PTPDC1: variants seen among roughly 807,000 people sequenced by gnomAD.
The protein encoded by PTPDC1 is protein tyrosine phosphatase domain containing 1.
In PTPDC1, 53 loss-of-function variants were observed where a neutral mutation model predicts 75.3. The ratio of observed to expected loss-of-function variants is 0.70; its 90% confidence interval spans 0.56 to 0.88. The LOEUF (loss-of-function observed/expected upper bound fraction) is 0.88, where lower values mean the gene tolerates loss of function less well. PTPDC1 is among the 40% of genes least tolerant of loss of function. The pLI is 0.00. For synonymous variants in PTPDC1, 349 were observed against 366.2 expected, an observed-to-expected ratio of 0.95 and a Z score of 0.54; for missense variants, 925 against 998.6, an observed-to-expected ratio of 0.93 and a Z score of 0.99.
At chr9:94,093,201 A>C (rs961059275) in intron 4 of PTPDC1, among the ~76,000 whole-genome samples, 3 of 152,002 alleles carry the variant, frequency 2.0e-5, no homozygotes, top group East Asian at 3.9e-4. Flanking sequence ...ACATTTTGGC[A>C]TGATTTTGAA....
In PTPDC1 at chr9:94,097,897, G is replaced by T; in HGVS notation, c.1331G>T (p.Arg444Leu). Residue 444 changes from arginine to leucine, a missense_variant, in exon 6 of 9, where the codon CGG becomes CTG. Physicochemically the swap from Arg to Leu is moderately radical, Grantham distance 102 (BLOSUM62 -2). Coordinates refer to ENST00000620992, the MANE Select transcript of PTPDC1 (RefSeq NM_001253829.2). ...CAACCCCTGACTCATCTGAAAAGGC[G>T]GCTCAGCTACAGTGACTCAGATTTA... Reference protein sequence around the residue: ...CLQPLTHLKRRLSYSDSDLKR... With the variant: ...CLQPLTHLKRLLSYSDSDLKR... 6.2e-7 allele frequency: 1 copy of T among 1,614,130 alleles called. No homozygotes were observed. The highest frequency in any genetic ancestry group is 1.1e-5 in the South Asian group (1 of 91,082).
At chr9:94,079,948 G>C (rs968741146), upstream of PTPDC1, among the ~76,000 whole-genome samples, 5 of 152,214 alleles carry the variant, frequency 3.3e-5, no homozygotes, top group African/African-American at 1.2e-4. Context: ...AAATCCATAT[G>C]GGAGAGCAGC....
At chr9:94,095,682 T>C (rs1385387360) in intron 5 of PTPDC1, among the ~76,000 whole-genome samples, 1 of 152,190 alleles carries the variant, frequency 6.6e-6, no homozygotes, top group Non-Finnish European at 1.5e-5. Context: ...CCAACACAAA[T>C]GCATGATAAA....
At chr9:94,064,836 A>G (rs1204995657) in intron 2 of PTPDC1, 1 of 1,592,464 alleles carries the variant, frequency 6.3e-7, no homozygotes, top group South Asian at 1.1e-5. Flanking sequence ...TGTCTCTTTA[A>G]TACACTTTTT....
intron 1 of PTPDC1, among the ~76,000 whole-genome samples, chr9:94,063,087 C>CA (rs1330481021): frequency 1.3e-5 from 2 of 152,060 alleles, no homozygotes; most frequent in Admixed American, 1.3e-4. Flanking sequence ...GAAAGCTTCA[C>CA]AAAAAAAGTG....
intron 1 of PTPDC1, among the ~76,000 whole-genome samples, chr9:94,031,568 C>T (rs1829727764): frequency 6.6e-6 from 1 of 152,060 alleles, no homozygotes; most frequent in Admixed American, 6.5e-5. Flanking sequence ...AAATTAGTCA[C>T]GTGACCTTGA....
rs1313721008 is a variant in PTPDC1, at chr9:94,109,156, T to C, written c.*1212T>C. The C allele has an allele frequency of 1.3e-5, 2 of 152,232 alleles. No homozygotes were observed. The highest frequency in any genetic ancestry group is 2.9e-5 in the Non-Finnish European group (2 of 68,042). 9.4% of individuals were successfully genotyped at this position (152,232 alleles called of 1,614,324 possible). On this transcript the variant is annotated 3_prime_UTR_variant, in exon 9 of 9. Coordinates refer to ENST00000620992, the MANE Select transcript of PTPDC1 (RefSeq NM_001253829.2). ...AGTTCCTTGTAAGCTGAACCATCAA[T>C]TATCAGTTGAAGCCATACTTTTATT...
chr9:94,049,924 T>A (rs1339920893), intron 1 of PTPDC1, among the ~76,000 whole-genome samples: 1 of 152,212 alleles, frequency 6.6e-6, no homozygotes, highest in African/African-American at 2.4e-5. Context: ...TTTTTATTCT[T>A]TTTTCTCCAA....
rs1178329134 is a variant in PTPDC1, at chr9:94,101,748, GA to G, written c.2198del (p.Lys733ArgfsTer14). The G allele has an allele frequency of 6.2e-7, 1 of 1,606,706 alleles. No homozygotes were observed. Among genetic ancestry groups the G allele is most frequent in the African/African-American group, 1.3e-5 (1 of 74,720 alleles). ...DAAEALFLLE[K>X]GQHQTILCVL... ...CCGCAGAAGCACTTTTTTTATTAGA[GA>G]AGGTAAAGTGGCTGTAGGACCAGTT... On this transcript the variant is annotated frameshift_variant and splice_region_variant, in exon 7 of 9. Transcript: ENST00000620992. LOFTEE classifies it high-confidence loss of function.
chr9:94,052,865 C>T (rs57076436), intron 1 of PTPDC1, among the ~76,000 whole-genome samples: 3 of 152,032 alleles, frequency 2.0e-5, no homozygotes, highest in Non-Finnish European at 2.9e-5. Flanking sequence ...TGTTGAGCTT[C>T]GAAGTGTCTT....
At chr9:94,093,776 C>T (rs1452235598) in intron 4 of PTPDC1, among the ~76,000 whole-genome samples, 2 of 143,032 alleles carry the variant, frequency 1.4e-5, no homozygotes, top group East Asian at 2.1e-4. Context: ...GGAGGCTTTG[C>T]TCATTTCTTT....
intron 4 of PTPDC1, among the ~76,000 whole-genome samples, chr9:94,091,790 C>G (rs148000385): frequency 0.025 from 3,870 of 152,220 alleles, 162 homozygotes; most frequent in African/African-American, 0.088. Context: ...AGAGATTCAA[C>G]TTCTTCCTGG....
chr9:94,057,749 T>G (rs186064920), intron 1 of PTPDC1, among the ~76,000 whole-genome samples: 3 of 152,202 alleles, frequency 2.0e-5, no homozygotes, highest in African/African-American at 7.2e-5. Flanking sequence ...ATTTGAAATA[T>G]AATTTTTGAT....
chr9:94,094,671 C>G (rs895345374), intron 4 of PTPDC1, among the ~76,000 whole-genome samples: 1 of 152,238 alleles, frequency 6.6e-6, no homozygotes, highest in African/African-American at 2.4e-5. Context: ...CACCCCTCCC[C>G]CAGCCTTGCT....
At chr9:94,040,050 C>G (rs1269838184) in intron 1 of PTPDC1, among the ~76,000 whole-genome samples, 1 of 152,052 alleles carries the variant, frequency 6.6e-6, no homozygotes, top group East Asian at 1.9e-4. Context: ...TAGAAAAAGG[C>G]CAAGGAAAGC....
intron 2 of PTPDC1, among the ~76,000 whole-genome samples, chr9:94,065,775 C>T (rs1826282836): frequency 1.3e-5 from 2 of 152,218 alleles, no homozygotes. Context: ...CATTTGTGGA[C>T]AGCTTCTAGG....
At chr9:94,092,810 GTTGAA>G (rs1484876622) in intron 4 of PTPDC1, among the ~76,000 whole-genome samples, 1 of 150,696 alleles carries the variant, frequency 6.6e-6, no homozygotes, top group Non-Finnish European at 1.5e-5. Flanking sequence ...AGCTCTTCTT[GTTGAA>G]TTGATCCCTT....
rs565129167 is a variant in PTPDC1, at chr9:94,064,924, T to C, written c.82+103T>C. On this transcript the variant is annotated intron_variant, in intron 2 of 9. Coordinates refer to the PTPDC1 transcript ENST00000375360. ...AAAGAAAAGGCTCTCTTCTTCATAT[T>C]GGAATCCCAGGTTGCAAGTATTACT... The C allele has an allele frequency of 9.8e-5, 80 of 814,154 alleles. No individual in the cohort carries two copies. The South Asian group carries it at 1.3e-3, about 13-fold the overall frequency. The allele number at this position is 814,154 out of a possible 1,614,324, so 50.4% of individuals were successfully genotyped here.
chr9:94,057,676 C>T (rs1825988330), intron 1 of PTPDC1, among the ~76,000 whole-genome samples: 1 of 152,138 alleles, frequency 6.6e-6, no homozygotes, highest in African/African-American at 2.4e-5. Flanking sequence ...GTTCATATAG[C>T]TGACAGTGAA....
Sources: allele counts gnomAD v4.1 joint callset (sites outside exome capture counted in the v4.1 genomes callset), GRCh38; gene constraint gnomAD v4.1.1; transcripts MANE v1.5; gene names NCBI Gene and HGNC (gene_info 2026-07-23, HGNC 2026-07-21).